MOSMO: variants seen among roughly 807,000 people sequenced by gnomAD.
MOSMO encodes modulator of smoothened protein.
MOSMO carries 5 observed loss-of-function variants against 18.4 expected under a neutral mutation model. The ratio of observed to expected loss-of-function variants is 0.27; its 90% CI spans 0.14 to 0.57. MOSMO has a LOEUF of 0.57. Among genes scored for constraint, MOSMO ranks in the 20% least tolerant of loss-of-function variants. The pLI, the probability that MOSMO is intolerant of heterozygous loss-of-function variation, is 0.92. For synonymous variants in MOSMO, 82 were observed against 82.3 expected, an observed-to-expected ratio of 1.00 and a Z score of 0.02; for missense variants, 138 against 211.8, an observed-to-expected ratio of 0.65 and a Z score of 2.16.
At chr16:22,089,597 C>T (rs1901255068), downstream of MOSMO, among the ~76,000 whole-genome samples, 1 of 152,108 alleles carries the variant, frequency 6.6e-6, no homozygotes, top group Non-Finnish European at 1.5e-5. Context: ...GTGGTTCAAA[C>T]ATTTGGAAGT....
intron 1 of MOSMO, among the ~76,000 whole-genome samples, chr16:22,071,930 A>AT (rs1049155235): frequency 6.6e-5 from 10 of 152,194 alleles, no homozygotes; most frequent in African/African-American, 2.4e-4. Flanking sequence ...ATGCAGTGCG[A>AT]TTTTAAATTT....
intron 2 of MOSMO, among the ~76,000 whole-genome samples, chr16:22,077,927 C>T (rs1901003056): frequency 1.3e-5 from 2 of 152,078 alleles, no homozygotes; most frequent in South Asian, 4.1e-4. Context: ...TTCCACTCCA[C>T]CCCTGAAAAA....
chr16:22,067,028 A>G (rs1276146344), intron 1 of MOSMO, among the ~76,000 whole-genome samples: 1 of 152,240 alleles, frequency 6.6e-6, no homozygotes, highest in African/African-American at 2.4e-5. Context: ...ACAGTGGCTT[A>G]CCACATAGAG....
At chr16:22,087,748 C>T (rs932172429), downstream of MOSMO, among the ~76,000 whole-genome samples, 4 of 152,172 alleles carry the variant, frequency 2.6e-5, no homozygotes, top group African/African-American at 9.7e-5. Flanking sequence ...CACTCCAATA[C>T]TTTACCTAAT....
intron 1 of MOSMO, among the ~76,000 whole-genome samples, chr16:22,045,925 G>A (rs559587981): frequency 6.6e-6 from 1 of 151,174 alleles, no homozygotes; most frequent in African/African-American, 2.4e-5. Context: ...TGTGCACAAC[G>A]TGCAGGTTAG....
intron 1 of MOSMO, among the ~76,000 whole-genome samples, chr16:22,056,554 A>AT (rs548567053): frequency 0.032 from 4,685 of 147,562 alleles, 260 homozygotes; most frequent in African/African-American, 0.11. Context: ...ATATATATAT[A>AT]TTTTTTTTTG....
At chr16:22,072,068 A>G (rs1343312340) in intron 1 of MOSMO, among the ~76,000 whole-genome samples, 1 of 152,076 alleles carries the variant, frequency 6.6e-6, no homozygotes, top group African/African-American at 2.4e-5. Context: ...CTGTTTGGGG[A>G]TAAAAAGAAG....
chr16:22,029,560 T>A (rs550529564), intron 1 of MOSMO, among the ~76,000 whole-genome samples: 1 of 152,326 alleles, frequency 6.6e-6, no homozygotes, highest in African/African-American at 2.4e-5. Flanking sequence ...GACAGAAAAA[T>A]GCTGTTGCAT....
At chr16:22,043,971 C>A (rs1486882736) in intron 1 of MOSMO, among the ~76,000 whole-genome samples, 9 of 152,048 alleles carry the variant, frequency 5.9e-5, no homozygotes, top group Non-Finnish European at 7.4e-5. Context: ...GGTGAAAGGC[C>A]TGTCTTACAT....
chr16:22,021,809 A>G lies in MOSMO; in HGVS notation c.106+13402A>G, dbSNP rs539554812. Among the ~76,000 whole-genome samples the G allele has an allele frequency of 1.9e-3, 293 of 151,622 alleles. 3 individuals carry two copies. Among genetic ancestry groups the G allele is most frequent in the Middle Eastern group, 3.4e-3 (1 of 294 alleles). ...TGAGACCCTGTCTCAAAAAAAAAATATATATATATAGGGGAGAAGTCAGAA... is the reference window on the plus strand; with the variant it reads ...TGAGACCCTGTCTCAAAAAAAAAATGTATATATATAGGGGAGAAGTCAGAA... On this transcript the variant is annotated intron_variant, in intron 1 of 2. Transcript: ENST00000542527.
intron 2 of MOSMO, among the ~76,000 whole-genome samples, chr16:22,078,383 G>A (rs937131569): frequency 5.9e-5 from 9 of 152,152 alleles, no homozygotes; most frequent in African/African-American, 1.9e-4. Flanking sequence ...AGGAAGTATA[G>A]AGAACCTGCT....
At chr16:22,056,776 G>A (rs1024037098) in intron 1 of MOSMO, among the ~76,000 whole-genome samples, 5 of 152,206 alleles carry the variant, frequency 3.3e-5, no homozygotes, top group African/African-American at 1.2e-4. Context: ...AACCAGCCTA[G>A]TCCGTTAGGA....
At chr16:22,039,406 CGCCTGATACA>C in intron 1 of MOSMO, among the ~76,000 whole-genome samples, 1 of 152,314 alleles carries the variant, frequency 6.6e-6, no homozygotes, top group South Asian at 2.1e-4. Flanking sequence ...TCAAGCTCTA[CGCCTGATACA>C]GCCTTTAACA....
At chr16:22,050,779 CTT>C (rs1391208181) in intron 1 of MOSMO, among the ~76,000 whole-genome samples, 1 of 150,458 alleles carries the variant, frequency 6.6e-6, no homozygotes, top group East Asian at 2.0e-4. Flanking sequence ...TTGTCTAAGT[CTT>C]AGCTACTTGG....
chr16:22,080,074 A>G (rs1470912934), intron 2 of MOSMO, among the ~76,000 whole-genome samples: 1 of 152,154 alleles, frequency 6.6e-6, no homozygotes, highest in Non-Finnish European at 1.5e-5. Context: ...ATGAGCCACC[A>G]TGCCCAGCCT....
At chr16:22,050,884 T>TAAAAAAAA (rs1900409389) in intron 1 of MOSMO, among the ~76,000 whole-genome samples, 1 of 114,434 alleles carries the variant, frequency 8.7e-6, no homozygotes, top group Admixed American at 8.4e-5. Flanking sequence ...CTCTGTCTCT[T>TAAAAAAAA]AAGAAAAAAA....
chr16:22,042,360 A>G (rs1900226025), intron 1 of MOSMO, among the ~76,000 whole-genome samples: 1 of 152,198 alleles, frequency 6.6e-6, no homozygotes, highest in African/African-American at 2.4e-5. Flanking sequence ...TGTATCTTCT[A>G]ATAATTCATC....
At chr16:22,090,964 GA>G (rs2141803037), downstream of MOSMO, among the ~76,000 whole-genome samples, 1 of 152,156 alleles carries the variant, frequency 6.6e-6, no homozygotes, top group Admixed American at 6.5e-5. Context: ...GCACAGTGTT[GA>G]AAACCCATGT....
chr16:22,030,251 G>A (rs1299709101), intron 1 of MOSMO, among the ~76,000 whole-genome samples: 1 of 152,126 alleles, frequency 6.6e-6, no homozygotes, highest in Non-Finnish European at 1.5e-5. Flanking sequence ...TCTGCAGGCA[G>A]ATAGATATTC....
Sources: allele counts gnomAD v4.1 joint callset (sites outside exome capture counted in the v4.1 genomes callset), GRCh38; gene constraint gnomAD v4.1.1; transcripts MANE v1.5; gene names NCBI Gene and HGNC (gene_info 2026-07-23, HGNC 2026-07-21).